Variants in KIF18A observed in about 807,000 individuals in gnomAD.
KIF18A encodes the protein kinesin-like protein KIF18A.
KIF18A carries 67 observed loss-of-function variants against 103.3 expected under a neutral mutation model. The observed-to-expected ratio is 0.65, with a 90% CI of 0.53 to 0.79. KIF18A has a LOEUF of 0.79. KIF18A is among the 30% of genes least tolerant of loss of function. KIF18A has a pLI of 0.00. For missense variants in KIF18A, 1,032 were observed against 1,062.5 expected (o/e 0.97, Z 0.40); for synonymous variants, 367 against 355.5 (o/e 1.03, Z -0.36).
intron 16 of KIF18A, among the ~76,000 whole-genome samples, chr11:28,023,375 AT>A (rs1037063536): frequency 3.9e-5 from 6 of 152,202 alleles, no homozygotes; most frequent in Admixed American, 3.9e-4. Context: ...TAAGAGAAAA[AT>A]TTAAAGTGGG....
intron 12 of KIF18A, among the ~76,000 whole-genome samples, chr11:28,059,859 G>C (rs1179005594): frequency 6.6e-6 from 1 of 151,856 alleles, no homozygotes; most frequent in Non-Finnish European, 1.5e-5. Context: ...GAAATGATGA[G>C]ACATATTTTA....
intron 11 of KIF18A, among the ~76,000 whole-genome samples, chr11:28,067,369 T>C (rs1325414626): frequency 6.6e-6 from 1 of 152,116 alleles, no homozygotes; most frequent in Non-Finnish European, 1.5e-5. Context: ...TGTCTTTGGT[T>C]TCCTTCTTAG....
In KIF18A at chr11:28,058,981, C is replaced by A; in HGVS notation, c.1893G>T (p.Gly631=). 1 of 1,614,042 alleles carries A rather than the reference C, an allele frequency of 6.2e-7. No homozygotes were observed. The highest frequency in any genetic ancestry group is 1.1e-5 in the South Asian group (1 of 91,078). ...GTGGAAAGGTCATAAGAACAGAAATCCCTGGTAGATCGTTTTGCTTTGGTT... is the reference window on the plus strand; with the variant it reads ...GTGGAAAGGTCATAAGAACAGAAATACCTGGTAGATCGTTTTGCTTTGGTT... ...AEQPKQNDLP[G]ISVLMTFPQL... is the part of the protein sequence containing the mutation. The change falls in exon 13 of 17, where the codon GGG becomes GGT. Residue 631 remains glycine (G), a synonymous_variant. Transcript: ENST00000263181.
At chr11:28,092,893 C>T (rs1260166344) in intron 3 of KIF18A, among the ~76,000 whole-genome samples, 1 of 152,142 alleles carries the variant, frequency 6.6e-6, no homozygotes, top group African/African-American at 2.4e-5. Context: ...CTTCCCCTTA[C>T]CCACTTCAAT....
At position 28,021,270 on chromosome 11, in the gene KIF18A, T is replaced by C; in HGVS notation, c.2627A>G (p.Asn876Ser). 1 of 1,475,258 alleles carries C rather than the reference T, an allele frequency of 6.8e-7. No individual in the cohort carries two copies. Among genetic ancestry groups the C allele is most frequent in the Non-Finnish European group, 9.1e-7 (1 of 1,104,020 alleles). The allele number at this position is 1,475,258 out of a possible 1,614,324, so 91.4% of individuals were successfully genotyped here. A position where few individuals can be genotyped will look rare whatever the true frequency, so the allele number is the denominator to read the frequency against. Residue 876 changes from asparagine (N) to serine (S), a missense_variant, in exon 17 of 17, where the codon AAC becomes AGC. Coordinates refer to ENST00000263181, the MANE Select transcript of KIF18A (RefSeq NM_031217.4). ...ENKPTMEHKR[N>S]ICKINPSMVR... is the part of the protein sequence containing the mutation. Reference sequence around the variant, plus strand: ...CATGCTTGGATTTATTTTACAGATGTTTCTTTTATGTTCTAGAGAAGAAAT... The same window carrying C: ...CATGCTTGGATTTATTTTACAGATGCTTCTTTTATGTTCTAGAGAAGAAAT...
chr11:28,058,111 T>C (rs1850805694), intron 13 of KIF18A, among the ~76,000 whole-genome samples: 1 of 152,138 alleles, frequency 6.6e-6, no homozygotes, highest in Non-Finnish European at 1.5e-5. Flanking sequence ...TTCTTCTACA[T>C]TGTCTGAATT....
rs746668079 is a variant in KIF18A at position 28,058,229 on chromosome 11, ACT to A, written c.1948+695_1948+696del. 3.3e-5 allele frequency among the ~76,000 whole-genome samples: 5 copies of A among 152,098 alleles called. No homozygotes were observed. The South Asian group carries it at 6.2e-4, about 19-fold the overall frequency. ...TGATTTGTCAATAGAAAAATAGTAA[ACT>A]CTACACTGTTAGTTGATCTTAAGAA... On this transcript the variant is annotated intron_variant, in intron 13 of 16. Transcript: ENST00000263181.
intron 13 of KIF18A, among the ~76,000 whole-genome samples, chr11:28,058,487 A>C (rs1850811167): frequency 7.8e-6 from 1 of 127,926 alleles, no homozygotes. Context: ...TTGTTTCTAC[A>C]GGAAAAAAAA....
rs190868749 is a variant in KIF18A, at chr11:28,021,514, T to A, written c.2615-232A>T. Among the ~76,000 whole-genome samples the A allele has an allele frequency of 4.7e-4, 72 of 152,326 alleles. 1 individual carries two copies. Among genetic ancestry groups the A allele is most frequent in the Non-Finnish European group, 4.7e-4 (32 of 68,018 alleles). ...TAAAGTTTCAGTGAGTGCGTGCACATACACAGACATCGGGTGAAGTCGCTG... is the reference window on the plus strand; with the variant it reads ...TAAAGTTTCAGTGAGTGCGTGCACAAACACAGACATCGGGTGAAGTCGCTG... On this transcript the variant is annotated intron_variant, in intron 16 of 16. Coordinates refer to ENST00000263181, the MANE Select transcript of KIF18A (RefSeq NM_031217.4).
chr11:28,074,834 A>G (rs1851068973), intron 10 of KIF18A, among the ~76,000 whole-genome samples: 1 of 152,162 alleles, frequency 6.6e-6, no homozygotes, highest in Non-Finnish European at 1.5e-5. Flanking sequence ...AAGCTTTTTA[A>G]TAAGTAGTAT....
intron 15 of KIF18A, among the ~76,000 whole-genome samples, chr11:28,025,839 C>T (rs1438489694): frequency 6.6e-6 from 1 of 151,942 alleles, no homozygotes; most frequent in Middle Eastern, 3.2e-3. Context: ...TAACCTTTTG[C>T]TCCCTTATAT....
intron 9 of KIF18A, among the ~76,000 whole-genome samples, chr11:28,081,254 T>C (rs1472269204): frequency 6.6e-6 from 1 of 152,110 alleles, no homozygotes; most frequent in Non-Finnish European, 1.5e-5. Context: ...AAACAACAGA[T>C]TTTCAAGATA....
chr11:28,068,791 T>C (rs1252406412), intron 11 of KIF18A, among the ~76,000 whole-genome samples: 2 of 152,154 alleles, frequency 1.3e-5, no homozygotes, highest in East Asian at 3.9e-4. Flanking sequence ...CCACACTAGT[T>C]AAGGCACTAA....
intron 15 of KIF18A, among the ~76,000 whole-genome samples, chr11:28,031,677 T>G (rs375757388): frequency 1.5e-5 from 2 of 131,088 alleles, no homozygotes; most frequent in Admixed American, 7.7e-5. Context: ...ACTTAAAGCA[T>G]AAAAAAAAAA....
chr11:28,062,786 C>T (rs1850872152), intron 11 of KIF18A, among the ~76,000 whole-genome samples: 1 of 151,926 alleles, frequency 6.6e-6, no homozygotes, highest in Admixed American at 6.6e-5. Flanking sequence ...CCAACTTGTT[C>T]ACAATGTTGT....
intron 13 of KIF18A, among the ~76,000 whole-genome samples, chr11:28,044,009 C>T (rs1489620974): frequency 1.3e-5 from 2 of 151,784 alleles, no homozygotes. Flanking sequence ...GAACTGAAGG[C>T]ATGAGGTTGT....
At chr11:28,081,585 A>G (rs1020816144) in intron 9 of KIF18A, among the ~76,000 whole-genome samples, 4 of 152,152 alleles carry the variant, frequency 2.6e-5, no homozygotes, top group East Asian at 1.9e-4. Flanking sequence ...CTTTCAAAAT[A>G]CTAATGCTCA....
intron 1 of KIF18A, among the ~76,000 whole-genome samples, chr11:28,102,243 C>G (rs1245166322): frequency 6.6e-6 from 1 of 152,168 alleles, no homozygotes; most frequent in Non-Finnish European, 1.5e-5. Context: ...AGAGCTTCCT[C>G]TGCAAAATAA....
At chr11:28,068,340 T>C (rs976675249) in intron 11 of KIF18A, among the ~76,000 whole-genome samples, 1 of 150,838 alleles carries the variant, frequency 6.6e-6, no homozygotes, top group African/African-American at 2.4e-5. Flanking sequence ...AAAACATAGA[T>C]GACGAGTTGA....
Sources: allele counts gnomAD v4.1 joint callset (sites outside exome capture counted in the v4.1 genomes callset), GRCh38; gene constraint gnomAD v4.1.1; transcripts MANE v1.5; gene names NCBI Gene and HGNC (gene_info 2026-07-23, HGNC 2026-07-21).